NUFIP1: variants seen among roughly 807,000 people sequenced by gnomAD.
NUFIP1 encodes the protein nuclear FMR1 interacting protein 1, also known as FMR1-interacting protein NUFIP1.
In NUFIP1, 38 loss-of-function variants were observed where a neutral mutation model predicts 56.2. The ratio of observed to expected loss-of-function variants is 0.68; its 90% confidence interval spans 0.52 to 0.89. The LOEUF (loss-of-function observed/expected upper bound fraction) is 0.89. Among genes scored for constraint, NUFIP1 ranks in the 40% least tolerant of loss-of-function variants. NUFIP1 has a pLI of 0.00. For missense variants in NUFIP1, 567 were observed against 605.8 expected (o/e 0.94, Z 0.67); for synonymous variants, 215 against 212.4 (o/e 1.01, Z -0.10).
At chr13:44,947,202 G>A (rs992588833) in intron 8 of NUFIP1, among the ~76,000 whole-genome samples, 2 of 149,712 alleles carry the variant, frequency 1.3e-5, no homozygotes, top group Non-Finnish European at 1.5e-5. Flanking sequence ...TATATGTCAG[G>A]TCTGCTACAT....
At chr13:44,977,519 T>C (rs1418306027) in intron 5 of NUFIP1, among the ~76,000 whole-genome samples, 1 of 152,240 alleles carries the variant, frequency 6.6e-6, no homozygotes, top group Non-Finnish European at 1.5e-5. Context: ...ACTGGCACTC[T>C]GGTAGCACTG....
rs796905263 is a variant in NUFIP1, at chr13:44,959,072, T to G, written c.1021+309A>C. Among the ~76,000 whole-genome samples, 14 of 152,350 alleles carry G rather than the reference T, an allele frequency of 9.2e-5. 1 individual carries two copies. The highest frequency in any genetic ancestry group is 3.4e-4 in the African/African-American group (14 of 41,588). On this transcript the variant is annotated intron_variant, in intron 7 of 9. Coordinates refer to ENST00000379161, the MANE Select transcript of NUFIP1 (RefSeq NM_012345.3). ...ATCCACATATTTGGGCAAATTTGAATGCACAGCATTAATACATTCAAAACA... is the reference window on the plus strand; with the variant it reads ...ATCCACATATTTGGGCAAATTTGAAGGCACAGCATTAATACATTCAAAACA...
intron 1 of NUFIP1, among the ~76,000 whole-genome samples, chr13:44,985,646 T>G (rs1157480947): frequency 6.6e-6 from 1 of 152,212 alleles, no homozygotes; most frequent in Non-Finnish European, 1.5e-5. Context: ...ACTACTGTAA[T>G]TGTTTTGAGA....
intron 8 of NUFIP1, among the ~76,000 whole-genome samples, chr13:44,946,574 T>C (rs915400876): frequency 2.0e-5 from 3 of 152,216 alleles, no homozygotes; most frequent in Non-Finnish European, 4.4e-5. Flanking sequence ...GATGTGAGTA[T>C]TACCTCTTCC....
chr13:44,989,098 A>G lies in NUFIP1; in HGVS notation c.339T>C (p.His113=). The change falls in exon 1 of 10, where the codon CAT becomes CAC. Residue 113 remains histidine, a synonymous_variant. Transcript: ENST00000379161. Reference sequence around the variant, plus strand: ...GTCTCCAATACCACGATGTGGAAGCATGGAAATTCCAAGGCTGGCCGCTGG... The same window carrying G: ...GTCTCCAATACCACGATGTGGAAGCGTGGAAATTCCAAGGCTGGCCGCTGG... ...PQPSGQPWNF[H]ASTSWYWRQS... The G allele has an allele frequency of 6.2e-7, 1 of 1,614,208 alleles. No individual in the cohort carries two copies. Among genetic ancestry groups the G allele is most frequent in the Non-Finnish European group, 8.5e-7 (1 of 1,180,030 alleles).
In NUFIP1 at chr13:44,979,886, T is replaced by G; in HGVS notation, c.657+4A>C. The stretch of plus-strand genomic sequence containing the variant: ...TAAAAATAGGATAAAAAAACAGAAC[T>G]TACATTTCTCCAATGGAACTGGACA... On this transcript the variant is annotated splice_donor_region_variant and intron_variant, in intron 4 of 9. Transcript: ENST00000379161. 6.3e-7 allele frequency: 1 copy of G among 1,591,598 alleles called. No homozygotes were observed. Among genetic ancestry groups the G allele is most frequent in the Non-Finnish European group, 8.5e-7 (1 of 1,171,484 alleles).
At chr13:44,978,857 G>C (rs1349943846) in intron 5 of NUFIP1, among the ~76,000 whole-genome samples, 1 of 152,184 alleles carries the variant, frequency 6.6e-6, no homozygotes, top group Non-Finnish European at 1.5e-5. Flanking sequence ...TCATGTGCCA[G>C]ATGTACTGTT....
chr13:44,968,278 G>A (rs1871679973), intron 5 of NUFIP1, among the ~76,000 whole-genome samples: 1 of 152,040 alleles, frequency 6.6e-6, no homozygotes, highest in Admixed American at 6.6e-5. Context: ...CATAATCTAA[G>A]GTTATAAGAA....
At chr13:44,974,105 T>C (rs1436308565) in intron 5 of NUFIP1, among the ~76,000 whole-genome samples, 1 of 152,212 alleles carries the variant, frequency 6.6e-6, no homozygotes, top group Non-Finnish European at 1.5e-5. Context: ...ATATTGAACA[T>C]CTAATTTTGC....
intron 5 of NUFIP1, among the ~76,000 whole-genome samples, chr13:44,971,044 T>C (rs537378064): frequency 6.6e-6 from 1 of 152,018 alleles, no homozygotes; most frequent in Non-Finnish European, 1.5e-5. Flanking sequence ...CTATCAAACA[T>C]ACCAAAAGAA....
intron 5 of NUFIP1, among the ~76,000 whole-genome samples, chr13:44,966,417 C>A (rs1259243550): frequency 6.6e-6 from 1 of 152,028 alleles, no homozygotes; most frequent in Non-Finnish European, 1.5e-5. Flanking sequence ...TGGGTTCAAG[C>A]AATTCTCCTG....
intron 5 of NUFIP1, among the ~76,000 whole-genome samples, chr13:44,972,592 T>C (rs543417014): frequency 6.6e-6 from 1 of 152,332 alleles, no homozygotes; most frequent in Non-Finnish European, 1.5e-5. Flanking sequence ...CAGTATATAT[T>C]TGTCAGAACT....
chr13:44,945,538 T>C (rs1255777224), intron 8 of NUFIP1, among the ~76,000 whole-genome samples: 1 of 152,012 alleles, frequency 6.6e-6, no homozygotes, highest in African/African-American at 2.4e-5. Flanking sequence ...CATAGACTAA[T>C]ATCCCTCATG....
chr13:44,963,111 G>A (rs984305352), intron 6 of NUFIP1, among the ~76,000 whole-genome samples: 1 of 151,898 alleles, frequency 6.6e-6, no homozygotes, highest in Non-Finnish European at 1.5e-5. Context: ...AAAAAAACTT[G>A]CTGGAATTTT....
At position 44,941,301 on chromosome 13, in the gene NUFIP1, G is replaced by A. The variant is rs1299119063; in HGVS notation, c.1393C>T (p.His465Tyr). 6.2e-7 allele frequency: 1 copy of A among 1,608,688 alleles called. No homozygotes were observed. The change falls in exon 10 of 10, where the codon CAT becomes TAT. Residue 465 changes from histidine (H) to tyrosine (Y), a missense_variant. His to Tyr is a moderately conservative substitution (Grantham distance 83, BLOSUM62 2). Coordinates refer to ENST00000379161, the MANE Select transcript of NUFIP1 (RefSeq NM_012345.3). ...CACTGCAAAATCACATTTCTTTCAT[G>A]TCGAATGTCCGGAGCTAGAAGCTAA... The part of the protein sequence containing the change: ...LEMLLAPDIR[H>Y]ERNVILQCVR...
In NUFIP1 at chr13:44,943,351, A is replaced by AACACACAC. The variant is rs36045762; in HGVS notation, c.1371+83_1371+90dup. ...ATGTGTCTCTGGTAACCTTAAAACA[A>AACACACAC]ACACACACACACACACACACACACA... On this transcript the variant is annotated intron_variant, in intron 9 of 9. Transcript: ENST00000379161. The AACACACAC allele has an allele frequency of 1.1e-5, 10 of 938,668 alleles. No individual in the cohort carries two copies. In the East Asian group the frequency reaches 2.3e-4, roughly 22 times the overall value. The allele number at this position is 938,668 out of a possible 1,614,324, so 58.1% of individuals were successfully genotyped here. A position where few individuals can be genotyped will look rare whatever the true frequency, so the allele number is the denominator to read the frequency against.
chr13:44,945,905 T>C (rs938332380), intron 8 of NUFIP1, among the ~76,000 whole-genome samples: 3 of 152,152 alleles, frequency 2.0e-5, no homozygotes, highest in East Asian at 1.9e-4. Context: ...AAACATTACA[T>C]AGGACTGAAT....
rs146961853 is a variant in NUFIP1 at position 44,951,170 on chromosome 13, G to A, written c.1022-1332C>T. On this transcript the variant is annotated intron_variant, in intron 7 of 9. Coordinates refer to ENST00000379161, the MANE Select transcript of NUFIP1 (RefSeq NM_012345.3). ...AGGGAAAGGAAAGTATGAAGTTTAT[G>A]TGAATTACTAGTAGATTAAGCAGAA... 8.9e-4 allele frequency among the ~76,000 whole-genome samples: 135 copies of A among 152,312 alleles called. 1 individual carries two copies. Among genetic ancestry groups the A allele is most frequent in the Non-Finnish European group, 1.5e-3 (103 of 68,032 alleles).
At chr13:44,946,566 TGTGA>T (rs1347813606) in intron 8 of NUFIP1, among the ~76,000 whole-genome samples, 1 of 152,214 alleles carries the variant, frequency 6.6e-6, no homozygotes, top group Non-Finnish European at 1.5e-5. Context: ...CAGACCCTGA[TGTGA>T]GTATTACCTC....
Sources: gnomAD v4.1 joint callset for allele counts (sites outside exome capture counted in the v4.1 genomes callset) on GRCh38, gnomAD v4.1.1 for gene constraint, MANE v1.5 for transcripts, NCBI Gene and HGNC (gene_info 2026-07-23, HGNC 2026-07-21) for gene names.